The following PDE11A variants were observed in gnomAD, a reference collection of about 807,000 sequenced individuals.
PDE11A encodes the protein dual 3',5'-cyclic-AMP and -GMP phosphodiesterase 11A.
Under a neutral mutation model 100.5 loss-of-function variants are expected in PDE11A, and 100 were observed. The observed-to-expected ratio is 1.00, with a 90% CI of 0.85 to 1.18. The LOEUF (loss-of-function observed/expected upper bound fraction) is 1.18. Among genes scored for constraint, PDE11A ranks in the 50% most tolerant of loss-of-function variants. PDE11A has a pLI of 0.00. For synonymous variants in PDE11A, 381 were observed against 420.8 expected (o/e 0.91, Z 1.16); for missense variants, 1,141 against 1,152.6 (o/e 0.99, Z 0.15).
At chr2:177,882,426 G>C (rs536687152) in intron 4 of PDE11A, among the ~76,000 whole-genome samples, 13 of 152,146 alleles carry the variant, frequency 8.5e-5, no homozygotes, top group African/African-American at 3.1e-4. Flanking sequence ...AAATAGAATA[G>C]AATTTATGCT....
chr2:178,038,893 C>T (rs746778397), intron 1 of PDE11A: 6 of 152,086 alleles, frequency 3.9e-5, no homozygotes, highest in Non-Finnish European at 8.8e-5. Context: ...AACTAAGAAA[C>T]GAATGCTTGT....
chr2:178,096,628 G>C (rs1200611925), intron 2 of PDE11A, among the ~76,000 whole-genome samples: 1 of 152,120 alleles, frequency 6.6e-6, no homozygotes, highest in Non-Finnish European at 1.5e-5. Context: ...CTAGGACAGG[G>C]GCAAAATGCC....
chr2:178,037,976 C>T (rs1337888666), intron 1 of PDE11A, among the ~76,000 whole-genome samples: 1 of 151,830 alleles, frequency 6.6e-6, no homozygotes, highest in African/African-American at 2.4e-5. Context: ...CACCATGGCA[C>T]ATGTATACCT....
At chr2:177,696,800 G>C (rs1004897353) in intron 15 of PDE11A, among the ~76,000 whole-genome samples, 2 of 152,186 alleles carry the variant, frequency 1.3e-5, no homozygotes, top group Non-Finnish European at 2.9e-5. Context: ...GCTGCTAAGA[G>C]AGATGGCGCC....
chr2:178,040,872 C>T (rs927690857), intron 1 of PDE11A, among the ~76,000 whole-genome samples: 5 of 152,220 alleles, frequency 3.3e-5, no homozygotes, highest in African/African-American at 1.2e-4. Flanking sequence ...CTGACATGCA[C>T]GTAATTTAAA....
intron 1 of PDE11A, among the ~76,000 whole-genome samples, chr2:178,047,344 T>A (rs751500931): frequency 2.0e-5 from 3 of 151,752 alleles, no homozygotes; most frequent in Non-Finnish European, 4.4e-5. Flanking sequence ...ATACCTGTAA[T>A]CCCAGTTACT....
chr2:178,048,267 C>T (rs2105854497), intron 1 of PDE11A, among the ~76,000 whole-genome samples: 1 of 152,036 alleles, frequency 6.6e-6, no homozygotes, highest in South Asian at 2.1e-4. Flanking sequence ...AAAGGTAACA[C>T]CTAGGGTTCT....
At chr2:178,014,939 A>G (rs970221005) in intron 1 of PDE11A, among the ~76,000 whole-genome samples, 42 of 152,278 alleles carry the variant, frequency 2.8e-4, no homozygotes, top group Admixed American at 2.4e-3. Context: ...GATGTGGGGT[A>G]TGGGGAGATA....
At chr2:177,759,624 T>C (rs896554892) in intron 10 of PDE11A, among the ~76,000 whole-genome samples, 2 of 152,194 alleles carry the variant, frequency 1.3e-5, no homozygotes, top group East Asian at 3.8e-4. Context: ...TTGATACAGC[T>C]AGATAGCCAA....
intron 6 of PDE11A, among the ~76,000 whole-genome samples, chr2:177,823,883 A>G (rs1390206170): frequency 6.6e-6 from 1 of 152,130 alleles, no homozygotes; most frequent in Non-Finnish European, 1.5e-5. Context: ...GTCTCTGCCA[A>G]CTCTGGGACA....
At chr2:177,794,727 G>C (rs531974097) in intron 9 of PDE11A, among the ~76,000 whole-genome samples, 3 of 151,908 alleles carry the variant, frequency 2.0e-5, no homozygotes, top group Admixed American at 2.0e-4. Context: ...CAACACACCC[G>C]ACAAACGAAT....
At chr2:178,026,383 C>A (rs562044589) in intron 1 of PDE11A, among the ~76,000 whole-genome samples, 15 of 151,840 alleles carry the variant, frequency 9.9e-5, no homozygotes, top group Non-Finnish European at 1.2e-4. Flanking sequence ...AATTTTTGAC[C>A]GGGCGCTGTG....
In PDE11A at chr2:177,839,854, G is replaced by T. The variant is rs543456161; in HGVS notation, c.1500+397C>A. Among the ~76,000 whole-genome samples the T allele has an allele frequency of 7.1e-4, 108 of 152,206 alleles. 1 individual carries two copies. Among genetic ancestry groups the T allele is most frequent in the Non-Finnish European group, 1.4e-3 (94 of 68,020 alleles). ...CTTCAAAATTGTTTTAATATATTCTGTATATCAACACAGTGTGCCTAGATA... is the reference window on the plus strand; with the variant it reads ...CTTCAAAATTGTTTTAATATATTCTTTATATCAACACAGTGTGCCTAGATA... On this transcript the variant is annotated intron_variant, in intron 6 of 19. Coordinates refer to ENST00000286063, the MANE Select transcript of PDE11A (RefSeq NM_016953.4).
chr2:177,821,045 A>T (rs2083131111), intron 6 of PDE11A, among the ~76,000 whole-genome samples: 1 of 151,974 alleles, frequency 6.6e-6, no homozygotes, highest in Non-Finnish European at 1.5e-5. Flanking sequence ...TTGTTCTAAT[A>T]CAATAGGAGA....
chr2:177,887,315 T>C (rs1229751388), intron 4 of PDE11A, among the ~76,000 whole-genome samples: 1 of 152,180 alleles, frequency 6.6e-6, no homozygotes, highest in Non-Finnish European at 1.5e-5. Flanking sequence ...AAGAATCTGT[T>C]AAGCTAAAAA....
intron 2 of PDE11A, among the ~76,000 whole-genome samples, chr2:177,927,827 G>T (rs9973525): frequency 6.6e-6 from 1 of 152,000 alleles, no homozygotes; most frequent in Non-Finnish European, 1.5e-5. Flanking sequence ...AACATAGTCC[G>T]GATACGGTGG....
At chr2:177,695,987 T>C (rs2081106294) in intron 15 of PDE11A, among the ~76,000 whole-genome samples, 3 of 152,102 alleles carry the variant, frequency 2.0e-5, no homozygotes, top group Admixed American at 2.0e-4. Context: ...GATGTGGGAA[T>C]GGTGATACAT....
At chr2:178,007,955 C>G (rs2086231776) in intron 2 of PDE11A, among the ~76,000 whole-genome samples, 1 of 152,036 alleles carries the variant, frequency 6.6e-6, no homozygotes, top group Non-Finnish European at 1.5e-5. Context: ...ATCTGCCTGC[C>G]TCGGCCTCCT....
chr2:177,853,575 G>A (rs1240328876), intron 5 of PDE11A, among the ~76,000 whole-genome samples: 3 of 135,950 alleles, frequency 2.2e-5, no homozygotes, highest in Non-Finnish European at 4.7e-5. Flanking sequence ...TCTCTGTGAG[G>A]GTGCTGTGGA....
Sources: allele counts gnomAD v4.1 joint callset (sites outside exome capture counted in the v4.1 genomes callset), GRCh38; gene constraint gnomAD v4.1.1; transcripts MANE v1.5; gene names NCBI Gene and HGNC (gene_info 2026-07-23, HGNC 2026-07-21).